The following THSD4 variants were observed in gnomAD, a reference collection of about 807,000 sequenced individuals.
THSD4 encodes the protein thrombospondin type-1 domain-containing protein 4.
Under a neutral mutation model 119.0 loss-of-function variants are expected in THSD4, and 69 were observed. The ratio of observed to expected loss-of-function variants is 0.58; its 90% CI spans 0.48 to 0.71. THSD4 has a LOEUF of 0.71. Ranked by LOEUF, THSD4 falls within the 30% of genes least tolerant of loss-of-function variation. THSD4 has a pLI of 0.00. For synonymous variants in THSD4, 524 were observed against 540.4 expected, an observed-to-expected ratio of 0.97 and a Z score of 0.42; for missense variants, 1,393 against 1,391.1, an observed-to-expected ratio of 1.00 and a Z score of -0.02.
intron 1 of THSD4, among the ~76,000 whole-genome samples, chr15:71,134,846 A>G (rs1371049100): frequency 6.6e-6 from 1 of 152,014 alleles, no homozygotes; most frequent in African/African-American, 2.4e-5. Flanking sequence ...ATACCATTTG[A>G]CCCAGCCATC....
intron 6 of THSD4, among the ~76,000 whole-genome samples, chr15:71,266,498 T>C (rs8037346): frequency 0.24 from 37,178 of 151,902 alleles, 5,005 homozygotes; most frequent in East Asian, 0.56. Flanking sequence ...CCCACAAAGA[T>C]GAGGAAAAAT....
In THSD4 at chr15:71,743,372, G is replaced by A. The variant is rs1039214144; in HGVS notation, c.1907-1734G>A. Among the ~76,000 whole-genome samples the A allele has an allele frequency of 6.6e-5, 10 of 152,304 alleles. No homozygotes were observed. In the South Asian group the frequency reaches 1.0e-3, roughly 16 times the overall value. On this transcript the variant is annotated intron_variant, in intron 11 of 17. Transcript: ENST00000261862. ...ACATCTAAGTGGAAAAGCTAAACCC[G>A]CATGGTCTGAAGGAAAAGGAATAGG... is the stretch of plus-strand genomic sequence containing the variant.
intron 2 of THSD4, among the ~76,000 whole-genome samples, chr15:71,146,282 C>A (rs1465418591): frequency 6.6e-6 from 1 of 152,162 alleles, no homozygotes; most frequent in East Asian, 1.9e-4. Context: ...ACAAACCACA[C>A]CCATAAGCAT....
At chr15:71,346,311 G>A (rs548417326) in intron 6 of THSD4, among the ~76,000 whole-genome samples, 2 of 152,258 alleles carry the variant, frequency 1.3e-5, no homozygotes, top group South Asian at 2.1e-4. Flanking sequence ...AAGTGATGGG[G>A]TATTCTTATT....
At chr15:71,147,089 C>CT (rs1183619192) in intron 2 of THSD4, among the ~76,000 whole-genome samples, 7 of 152,250 alleles carry the variant, frequency 4.6e-5, no homozygotes, top group African/African-American at 1.7e-4. Context: ...TAGAAATCTG[C>CT]TTTTTACCAT....
intron 7 of THSD4, among the ~76,000 whole-genome samples, chr15:71,511,238 G>C (rs969770987): frequency 2.6e-5 from 4 of 152,158 alleles, no homozygotes; most frequent in African/African-American, 7.2e-5. Flanking sequence ...TTGGTCTTGA[G>C]GGACGTTTTA....
chr15:71,670,942 A>G (rs996981290), intron 8 of THSD4, among the ~76,000 whole-genome samples: 2 of 152,194 alleles, frequency 1.3e-5, no homozygotes, highest in African/African-American at 2.4e-5. Flanking sequence ...GCTATTGTGA[A>G]TAGTGCCGCA....
At chr15:71,155,661 T>G (rs1567140269) in intron 3 of THSD4, among the ~76,000 whole-genome samples, 2 of 152,142 alleles carry the variant, frequency 1.3e-5, no homozygotes, top group Non-Finnish European at 2.9e-5. Context: ...ATGGAGCTTT[T>G]ACCCTCTCTT....
At chr15:71,410,115 G>C (rs373111530) in intron 6 of THSD4, among the ~76,000 whole-genome samples, 1 of 152,112 alleles carries the variant, frequency 6.6e-6, no homozygotes, top group East Asian at 1.9e-4. Context: ...TCTGAGGTAG[G>C]GAAATATATC....
intron 7 of THSD4, among the ~76,000 whole-genome samples, chr15:71,495,766 T>G (rs912472421): frequency 6.6e-6 from 1 of 152,170 alleles, no homozygotes; most frequent in South Asian, 2.1e-4. Flanking sequence ...AAAAACTGTT[T>G]TACAAACACA....
At chr15:71,207,037 A>G (rs1390405650) in intron 3 of THSD4, among the ~76,000 whole-genome samples, 1 of 152,158 alleles carries the variant, frequency 6.6e-6, no homozygotes, top group Non-Finnish European at 1.5e-5. Context: ...ACATTTTTCA[A>G]TTAATATTGT....
At chr15:71,460,308 T>TG (rs1298885891) in intron 7 of THSD4, among the ~76,000 whole-genome samples, 1 of 148,600 alleles carries the variant, frequency 6.7e-6, no homozygotes, top group Non-Finnish European at 1.5e-5. Flanking sequence ...TTGCCTGGTT[T>TG]TTTTTTTTTT....
intron 6 of THSD4, among the ~76,000 whole-genome samples, chr15:71,344,289 C>A (rs1035651702): frequency 6.6e-6 from 1 of 151,952 alleles, no homozygotes; most frequent in African/African-American, 2.4e-5. Context: ...GTGATCCACC[C>A]GCCTCGGCCC....
intron 13 of THSD4, among the ~76,000 whole-genome samples, chr15:71,748,109 C>T (rs2053374560): frequency 6.6e-6 from 1 of 152,172 alleles, no homozygotes; most frequent in Non-Finnish European, 1.5e-5. Context: ...TCCAACCTTC[C>T]ATCCTGTCAT....
intron 6 of THSD4, chr15:71,341,094 C>T: frequency 8.7e-7 from 1 of 1,147,986 alleles, no homozygotes; most frequent in Non-Finnish European, 1.3e-6. Flanking sequence ...TCTATTGTCT[C>T]TTCTGTCTTC....
At chr15:71,244,058 T>C (rs2044178105) in intron 5 of THSD4, among the ~76,000 whole-genome samples, 1 of 151,118 alleles carries the variant, frequency 6.6e-6, no homozygotes, top group South Asian at 2.1e-4. Flanking sequence ...GTGCTGGGAT[T>C]ACAAGTGTGA....
At position 71,346,266 on chromosome 15, in the gene THSD4, A is replaced by G. The variant is rs1037992051; in HGVS notation, c.1016-65421A>G. On this transcript the variant is annotated intron_variant, in intron 6 of 17. Transcript: ENST00000261862. Reference sequence around the variant, plus strand: ...TTGTGCAGTGTTTCCTCATGATTAGATTCAGTCGATGAATTTTTGGCAGGA... The same window carrying G: ...TTGTGCAGTGTTTCCTCATGATTAGGTTCAGTCGATGAATTTTTGGCAGGA... 3.3e-5 allele frequency among the ~76,000 whole-genome samples: 5 copies of G among 152,256 alleles called. No individual in the cohort carries two copies. The South Asian group carries it at 1.0e-3, about 32-fold the overall frequency.
intron 10 of THSD4, among the ~76,000 whole-genome samples, chr15:71,736,527 C>G (rs769450617): frequency 1.3e-5 from 2 of 152,000 alleles, no homozygotes; most frequent in African/African-American, 4.8e-5. Flanking sequence ...GTGTCTCTGT[C>G]TCTCTTGCTC....
rs1305623820 is a variant in THSD4, at chr15:71,777,377, C to T, written c.*3C>T. 6.2e-7 allele frequency: 1 copy of T among 1,612,764 alleles called. No individual in the cohort carries two copies. Among genetic ancestry groups the T allele is most frequent in the Non-Finnish European group, 8.5e-7 (1 of 1,179,702 alleles). ...CGGGCTTCCTGGGGAGCAGATAACA[C>T]TCCTGCACCCCCATCAGTAGGGCAG... On this transcript the variant is annotated 3_prime_UTR_variant, in exon 18 of 18. Transcript: ENST00000261862.
Sources: gnomAD v4.1 joint callset for allele counts (sites outside exome capture counted in the v4.1 genomes callset) on GRCh38, gnomAD v4.1.1 for gene constraint, MANE v1.5 for transcripts, NCBI Gene and HGNC (gene_info 2026-07-23, HGNC 2026-07-21) for gene names.